Variants in PEPD observed in about 807,000 individuals in gnomAD.
PEPD encodes the protein xaa-Pro dipeptidase.
Under a neutral mutation model 60.7 loss-of-function variants are expected in PEPD, and 53 were observed. The ratio of observed to expected loss-of-function variants is 0.87; its 90% confidence interval spans 0.70 to 1.10. The LOEUF (loss-of-function observed/expected upper bound fraction) is 1.10, where lower values mean the gene tolerates loss of function less well. Ranked by LOEUF, PEPD falls within the 50% of genes least tolerant of loss-of-function variation. The pLI is 0.00. For synonymous variants in PEPD, 267 were observed against 284.1 expected, an observed-to-expected ratio of 0.94 and a Z score of 0.60; for missense variants, 711 against 711.9, an observed-to-expected ratio of 1.00 and a Z score of 0.01.
chr19:33,510,022 G>A (rs888212011), intron 3 of PEPD, among the ~76,000 whole-genome samples: 8 of 152,146 alleles, frequency 5.3e-5, no homozygotes, highest in Admixed American at 3.9e-4. Context: ...GCGGTTCCCC[G>A]ATCCAAACCC....
rs1338925962 is a variant in PEPD at position 33,413,711 on chromosome 19, G to A, written c.672-68C>T. The A allele has an allele frequency of 1.0e-4, 100 of 953,810 alleles. No individual in the cohort carries two copies. In the East Asian group the frequency reaches 2.6e-3, roughly 25 times the overall value. 59.1% of individuals were successfully genotyped at this position (953,810 alleles called of 1,614,324 possible). A position where few individuals can be genotyped will look rare whatever the true frequency, so the allele number is the denominator to read the frequency against. On this transcript the variant is annotated intron_variant, in intron 9 of 14. Coordinates refer to ENST00000244137, the MANE Select transcript of PEPD (RefSeq NM_000285.4). ...GCACACCCCACTCCACGAGCCCCAT[G>A]AACCCCAAGGGAAGGCCCTCGGCCC...
chr19:33,454,010 C>T (rs1208033085), intron 9 of PEPD, among the ~76,000 whole-genome samples: 1 of 152,232 alleles, frequency 6.6e-6, no homozygotes, highest in African/African-American at 2.4e-5. Flanking sequence ...TAAAATTCAT[C>T]TAAGGTGCAC....
intron 8 of PEPD, 100 bp downstream of exon 8, chr19:33,463,887 G>A (rs962452648): frequency 1.1e-5 from 9 of 788,222 alleles, no homozygotes; most frequent in Non-Finnish European, 2.0e-5. Flanking sequence ...TTGGCCCTCA[G>A]GGATTAGAGC....
intron 11 of PEPD, among the ~76,000 whole-genome samples, chr19:33,409,352 G>A (rs939960680): frequency 1.3e-5 from 2 of 152,328 alleles, no homozygotes; most frequent in South Asian, 2.1e-4. Flanking sequence ...GCCAGAATGC[G>A]CTACAGGGTT....
chr19:33,472,434 G>A (rs1269383841), intron 7 of PEPD, among the ~76,000 whole-genome samples: 1 of 152,182 alleles, frequency 6.6e-6, no homozygotes, highest in African/African-American at 2.4e-5. Flanking sequence ...CCAGCTCATG[G>A]CCACGCTGTG....
rs73588301 is a variant in PEPD, at chr19:33,447,986, A to G, written c.671+15009T>C. Among the ~76,000 whole-genome samples, 1,114 of 152,304 alleles carry G rather than the reference A, an allele frequency of 7.3e-3. 14 individuals carry two copies. The highest frequency in any genetic ancestry group is 0.025 in the African/African-American group (1,052 of 41,570). On this transcript the variant is annotated intron_variant, in intron 9 of 14. Transcript: ENST00000244137. ...CTAACAGGGATGGGGAGGAGCCTCA[A>G]CTTTGGTTTTATCATAAATTACCTC... is the stretch of plus-strand genomic sequence containing the variant.
intron 13 of PEPD, among the ~76,000 whole-genome samples, chr19:33,389,663 G>A (rs192662068): frequency 5.9e-4 from 90 of 152,300 alleles, no homozygotes; most frequent in African/African-American, 2.0e-3. Flanking sequence ...GGCCCACCCC[G>A]GCTGCTCCAT....
At chr19:33,430,180 C>T (rs1969239103) in intron 9 of PEPD, among the ~76,000 whole-genome samples, 1 of 152,224 alleles carries the variant, frequency 6.6e-6, no homozygotes, top group Non-Finnish European at 1.5e-5. Context: ...CCGGGAAGGA[C>T]ATGGTATCTG....
chr19:33,466,107 T>C (rs1227058055), intron 7 of PEPD, among the ~76,000 whole-genome samples: 1 of 152,222 alleles, frequency 6.6e-6, no homozygotes, highest in Non-Finnish European at 1.5e-5. Context: ...TATGTGGCTC[T>C]GAGAAAAACA....
At chr19:33,512,847 T>G in intron 1 of PEPD, 71 bp from the exon 2 acceptor site, 1 of 1,566,540 alleles carries the variant, frequency 6.4e-7, no homozygotes, top group South Asian at 1.1e-5. Flanking sequence ...ACACCTGAGG[T>G]CGGGGTGACC....
At chr19:33,501,202 G>A (rs1970706318) in intron 3 of PEPD, among the ~76,000 whole-genome samples, 1 of 152,108 alleles carries the variant, frequency 6.6e-6, no homozygotes, top group African/African-American at 2.4e-5. Context: ...TGGAGTGACG[G>A]CTGAACCACA....
chr19:33,417,365 A>G (rs1287897741), intron 9 of PEPD, among the ~76,000 whole-genome samples: 1 of 152,162 alleles, frequency 6.6e-6, no homozygotes. Flanking sequence ...GGCTTAGGAA[A>G]GCAGGTAGTT....
intron 11 of PEPD, among the ~76,000 whole-genome samples, chr19:33,404,534 A>G (rs1180399222): frequency 6.6e-6 from 1 of 152,228 alleles, no homozygotes; most frequent in African/African-American, 2.4e-5. Context: ...TGTAAAAACA[A>G]GACTGTTCTC....
At chr19:33,492,318 G>A (rs1357015331) in intron 5 of PEPD, among the ~76,000 whole-genome samples, 5 of 152,202 alleles carry the variant, frequency 3.3e-5, no homozygotes, top group Non-Finnish European at 7.3e-5. Context: ...CAGACGCCCG[G>A]TGGTGTGGTT....
Position 33,403,663 on chromosome 19 carries a change from A to C in PEPD, c.819-1794T>G, listed in dbSNP as rs538068313. On this transcript the variant is annotated intron_variant, in intron 11 of 14. Coordinates refer to ENST00000244137, the MANE Select transcript of PEPD (RefSeq NM_000285.4). Reference sequence around the variant, plus strand: ...CTGGACAGGCAGCGTCAGCCGCCCCATGGAGGCAGATTTCTAAAGGAAAAA... The same window carrying C: ...CTGGACAGGCAGCGTCAGCCGCCCCCTGGAGGCAGATTTCTAAAGGAAAAA... Among the ~76,000 whole-genome samples, 3 of 152,320 alleles carry C rather than the reference A, an allele frequency of 2.0e-5. No homozygotes were observed. The East Asian group carries it at 5.8e-4, about 30-fold the overall frequency.
chr19:33,454,177 T>C (rs1969753488), intron 9 of PEPD, among the ~76,000 whole-genome samples: 1 of 152,110 alleles, frequency 6.6e-6, no homozygotes, highest in South Asian at 2.1e-4. Flanking sequence ...AAAACTAAAA[T>C]GACGGGGTGC....
At chr19:33,415,858 A>G (rs9676705) in intron 9 of PEPD, among the ~76,000 whole-genome samples, 58,242 of 152,100 alleles carry the variant, frequency 0.38, 11,773 homozygotes, top group African/African-American at 0.49. Flanking sequence ...GCCTAAAAAA[A>G]GCTGAAATGC....
intron 9 of PEPD, among the ~76,000 whole-genome samples, chr19:33,460,917 G>T (rs1184772878): frequency 6.6e-6 from 1 of 152,166 alleles, no homozygotes; most frequent in Non-Finnish European, 1.5e-5. Flanking sequence ...GCAGTTTGTA[G>T]ACAGGGGTGA....
intron 9 of PEPD, among the ~76,000 whole-genome samples, chr19:33,425,664 C>T (rs978747805): frequency 5.9e-5 from 9 of 152,014 alleles, no homozygotes; most frequent in Non-Finnish European, 1.3e-4. Flanking sequence ...GGATAAAAAG[C>T]ATCTTAAAAC....
Sources: gnomAD v4.1 joint callset for allele counts (sites outside exome capture counted in the v4.1 genomes callset) on GRCh38, gnomAD v4.1.1 for gene constraint, MANE v1.5 for transcripts, NCBI Gene and HGNC (gene_info 2026-07-23, HGNC 2026-07-21) for gene names.